TMEM144: variants seen among roughly 807,000 people sequenced by gnomAD.
TMEM144 encodes the protein transmembrane protein 144.
A neutral mutation model predicts 43.6 loss-of-function variants in TMEM144; 39 were observed. The observed-to-expected ratio is 0.90, with a 90% CI of 0.69 to 1.17. The LOEUF (loss-of-function observed/expected upper bound fraction) is 1.17. Among genes scored for constraint, TMEM144 ranks in the 50% most tolerant of loss-of-function variants. The pLI is 0.00. For missense variants in TMEM144, 417 were observed against 411.9 expected (o/e 1.01, Z -0.11); for synonymous variants, 154 against 133.6 (o/e 1.15, Z -1.06).
intron 11 of TMEM144, among the ~76,000 whole-genome samples, chr4:158,242,028 A>G (rs1243414702): frequency 2.0e-5 from 3 of 152,332 alleles, no homozygotes; most frequent in Admixed American, 6.5e-5. Flanking sequence ...TTTTTCTACC[A>G]TTGTTTCTTG....
intron 9 of TMEM144, 133 bp from the exon 10 acceptor site, chr4:158,240,166 T>G: frequency 4.9e-6 from 5 of 1,013,446 alleles, no homozygotes; most frequent in Non-Finnish European, 5.6e-6. Flanking sequence ...ATTACAGGTG[T>G]GAGCCACTGC....
Position 158,219,302 on chromosome 4 carries a change from A to AT in TMEM144, c.333-4dup. On this transcript the variant is annotated splice_region_variant and splice_polypyrimidine_tract_variant and intron_variant, in intron 5 of 12. Transcript: ENST00000296529. ...TATTTAATTTGATGTGACTTTCTGG[A>AT]TTTTCAGGTTTGGCTGGTTTGGATT... 1.9e-6 allele frequency: 3 copies of AT among 1,613,590 alleles called. No homozygotes were observed. The highest frequency in any genetic ancestry group is 2.5e-6 in the Non-Finnish European group (3 of 1,179,716).
At chr4:158,238,360 A>G (rs1412761206) in intron 9 of TMEM144, among the ~76,000 whole-genome samples, 2 of 152,222 alleles carry the variant, frequency 1.3e-5, no homozygotes, top group Admixed American at 1.3e-4. Flanking sequence ...TGAGGGAAAG[A>G]TTGTTAAAGA....
At chr4:158,220,397 G>C (rs2111109316) in intron 6 of TMEM144, among the ~76,000 whole-genome samples, 1 of 152,276 alleles carries the variant, frequency 6.6e-6, no homozygotes, top group Admixed American at 6.5e-5. Flanking sequence ...TGTAACATAG[G>C]ATGGCTTAGT....
intron 12 of TMEM144, among the ~76,000 whole-genome samples, chr4:158,252,237 T>C (rs1288290998): frequency 6.6e-6 from 1 of 152,176 alleles, no homozygotes; most frequent in Non-Finnish European, 1.5e-5. Context: ...CACAGAGAAG[T>C]GGTTCTCAGT....
intron 12 of TMEM144, among the ~76,000 whole-genome samples, chr4:158,247,702 A>C (rs1418403519): frequency 6.6e-6 from 1 of 152,156 alleles, no homozygotes; most frequent in East Asian, 1.9e-4. Flanking sequence ...GGTTTTTAAA[A>C]TACTGTATTT....
intron 11 of TMEM144, among the ~76,000 whole-genome samples, chr4:158,243,727 G>T (rs970417475): frequency 6.6e-6 from 1 of 151,614 alleles, no homozygotes; most frequent in Non-Finnish European, 1.5e-5. Context: ...TTCCTTACAC[G>T]TTTATTTTAA....
intron 12 of TMEM144, among the ~76,000 whole-genome samples, chr4:158,245,394 G>A (rs558857383): frequency 1.5e-4 from 23 of 150,018 alleles, no homozygotes; most frequent in African/African-American, 3.9e-4. Flanking sequence ...CAATCACAAC[G>A]ACAACAAAAG....
At chr4:158,226,008 A>G (rs868344042) in intron 6 of TMEM144, among the ~76,000 whole-genome samples, 15 of 152,224 alleles carry the variant, frequency 9.9e-5, no homozygotes, top group African/African-American at 3.4e-4. Context: ...ACCTTAGTGG[A>G]GCGGGGGACA....
At chr4:158,218,138 T>C (rs1030114350) in intron 5 of TMEM144, among the ~76,000 whole-genome samples, 4 of 152,186 alleles carry the variant, frequency 2.6e-5, no homozygotes, top group African/African-American at 7.2e-5. Context: ...AGGCCATTTA[T>C]ATTTAAATTT....
At chr4:158,210,671 A>C (rs1214521685) in intron 1 of TMEM144, 85 bp downstream of exon 1, 1 of 152,254 alleles carries the variant, frequency 6.6e-6, no homozygotes, top group African/African-American at 2.4e-5. Context: ...ATGGTTAAAA[A>C]GAAAAATCAA....
rs768660588 is a variant in TMEM144 at position 158,232,873 on chromosome 4, A to T, written c.414-28A>T. 7 of 1,511,116 alleles carry T rather than the reference A, an allele frequency of 4.6e-6. No homozygotes were observed. In the African/African-American group the frequency reaches 9.7e-5, roughly 21 times the overall value. 93.6% of individuals were successfully genotyped at this position (1,511,116 alleles called of 1,614,324 possible). A position where few individuals can be genotyped will look rare whatever the true frequency, so the allele number is the denominator to read the frequency against. On this transcript the variant is annotated intron_variant, in intron 6 of 12. Transcript: ENST00000296529. The stretch of plus-strand genomic sequence containing the variant: ...TTGATATAAACCAGTATTATGATAA[A>T]TATCACTAAAATTTATTTTCCTTAC...
At chr4:158,243,511 C>T (rs746008997) in intron 11 of TMEM144, among the ~76,000 whole-genome samples, 24 of 152,114 alleles carry the variant, frequency 1.6e-4, no homozygotes, top group Non-Finnish European at 2.6e-4. Flanking sequence ...AATGCTGATA[C>T]AATACACCTT....
intron 6 of TMEM144, among the ~76,000 whole-genome samples, chr4:158,219,863 G>A (rs187209821): frequency 2.0e-5 from 3 of 152,226 alleles, no homozygotes; most frequent in African/African-American, 7.2e-5. Flanking sequence ...TAGCTAGACA[G>A]CTCCTCTTTC....
intron 4 of TMEM144, 70 bp downstream of exon 4, chr4:158,215,383 G>A: frequency 6.4e-7 from 1 of 1,550,662 alleles, no homozygotes; most frequent in Non-Finnish European, 8.8e-7. Context: ...TTCACAATAG[G>A]AGGAAATAGC....
At chr4:158,238,719 A>G (rs1272072519) in intron 9 of TMEM144, among the ~76,000 whole-genome samples, 1 of 152,200 alleles carries the variant, frequency 6.6e-6, no homozygotes, top group African/African-American at 2.4e-5. Flanking sequence ...TTGTAGGCAC[A>G]AGGGAAATCA....
Position 158,253,593 on chromosome 4 carries a change from C to A in TMEM144, c.*66C>A. On this transcript the variant is annotated 3_prime_UTR_variant, in exon 13 of 13. Coordinates refer to ENST00000296529, the MANE Select transcript of TMEM144 (RefSeq NM_018342.5). ...CGCGTCTATCGGACAGCGGAGAGAT[C>A]ATGCTGAGAAAAGAGTGCATTTTCA... The A allele has an allele frequency of 2.2e-6, 3 of 1,345,024 alleles. No homozygotes were observed. The highest frequency in any genetic ancestry group is 1.2e-5 in the South Asian group (1 of 81,230). The allele number at this position is 1,345,024 out of a possible 1,614,324, so 83.3% of individuals were successfully genotyped here.
intron 6 of TMEM144, among the ~76,000 whole-genome samples, chr4:158,228,012 G>A (rs990109336): frequency 2.0e-5 from 3 of 152,026 alleles, no homozygotes; most frequent in Non-Finnish European, 4.4e-5. Context: ...CAAAGAACGG[G>A]TAAAAAGGCA....
chr4:158,228,011 G>A (rs1226981976), intron 6 of TMEM144, among the ~76,000 whole-genome samples: 1 of 151,834 alleles, frequency 6.6e-6, no homozygotes, highest in Non-Finnish European at 1.5e-5. Flanking sequence ...GCAAAGAACG[G>A]GTAAAAAGGC....
Sources: allele counts gnomAD v4.1 joint callset (sites outside exome capture counted in the v4.1 genomes callset), GRCh38; gene constraint gnomAD v4.1.1; transcripts MANE v1.5; gene names NCBI Gene and HGNC (gene_info 2026-07-23, HGNC 2026-07-21).